The following PIGN variants were observed in gnomAD, a reference collection of about 807,000 sequenced individuals.
PIGN encodes GPI ethanolamine phosphate transferase 1.
In PIGN, 117 loss-of-function variants were observed where a neutral mutation model predicts 125.4. The observed-to-expected ratio is 0.93, with a 90% CI of 0.80 to 1.09. The LOEUF (loss-of-function observed/expected upper bound fraction) is 1.09, where lower values mean the gene tolerates loss of function less well. Among genes scored for constraint, PIGN ranks in the 50% least tolerant of loss-of-function variants. The pLI is 0.00. For missense variants in PIGN, 1,075 were observed against 1,094.9 expected (o/e 0.98, Z 0.26); for synonymous variants, 392 against 377.8 (o/e 1.04, Z -0.44).
At chr18:62,049,667 G>A (rs1219337859) in intron 30 of PIGN, among the ~76,000 whole-genome samples, 1 of 148,968 alleles carries the variant, frequency 6.7e-6, no homozygotes, top group Non-Finnish European at 1.5e-5. Context: ...CACTCTGATG[G>A]TAGTTTCTTT....
rs368463411 is a variant in PIGN, at chr18:62,157,821, A to G, written c.222-13T>C. On this transcript the variant is annotated splice_polypyrimidine_tract_variant and intron_variant, in intron 4 of 30. Transcript: ENST00000640252. ...CATTATGATATTCCTAAAAGATATTAAAGACAAATAGTTAACACAGACTAT... is the reference window on the plus strand; with the variant it reads ...CATTATGATATTCCTAAAAGATATTGAAGACAAATAGTTAACACAGACTAT... The G allele has an allele frequency of 1.9e-5, 31 of 1,601,036 alleles. No individual in the cohort carries two copies. The Admixed American group carries it at 4.9e-4, about 25-fold the overall frequency.
intron 30 of PIGN, chr18:62,059,171 CAAAAAAAAAAAA>C (rs56405290): frequency 1.1e-4 from 5 of 45,882 alleles, no homozygotes; most frequent in Non-Finnish European, 2.4e-4. Context: ...GACCCTGTCT[CAAAAAAAAAAAA>C]AAAAAAAAAA....
At chr18:62,092,543 T>C (rs2034007671) in intron 23 of PIGN, among the ~76,000 whole-genome samples, 1 of 151,820 alleles carries the variant, frequency 6.6e-6, no homozygotes. Context: ...AAATATTAAA[T>C]ATCTATTAAA....
At chr18:62,074,445 G>C (rs1568145585) in intron 29 of PIGN, among the ~76,000 whole-genome samples, 2 of 151,910 alleles carry the variant, frequency 1.3e-5, no homozygotes, top group Non-Finnish European at 2.9e-5. Context: ...TGAGAGAAGG[G>C]TTAAAAATCA....
At chr18:62,058,237 CTTTG>C (rs2031870652) in intron 30 of PIGN, among the ~76,000 whole-genome samples, 1 of 152,148 alleles carries the variant, frequency 6.6e-6, no homozygotes. Context: ...TTAAATGTTA[CTTTG>C]TTTGTTGTGG....
rs2036009672 is a variant in PIGN, at chr18:62,138,307, C to A, written c.1117-9G>T. 6.5e-7 allele frequency: 1 copy of A among 1,532,886 alleles called. No individual in the cohort carries two copies. 95.0% of individuals were successfully genotyped at this position (1,532,886 alleles called of 1,614,324 possible). On this transcript the variant is annotated splice_polypyrimidine_tract_variant and intron_variant, in intron 13 of 30. Coordinates refer to ENST00000640252, the MANE Select transcript of PIGN (RefSeq NM_176787.5). ...TTCTGAGTCATTTTCACCTGGGAAC[C>A]AAGTATGAAAATATTACAAATGAGA...
rs375189790 is a variant in PIGN at position 62,073,786 on chromosome 18, A to G, written c.2619+993T>C. On this transcript the variant is annotated intron_variant, in intron 29 of 30. Transcript: ENST00000640252. ...TGGCATGGGATGTTATATGGTGACAAATTAACCTTACCCAAAAAGACCGCT... is the reference window on the plus strand; with the variant it reads ...TGGCATGGGATGTTATATGGTGACAGATTAACCTTACCCAAAAAGACCGCT... 2.8e-4 allele frequency among the ~76,000 whole-genome samples: 43 copies of G among 152,294 alleles called. No homozygotes were observed. In the East Asian group the frequency reaches 4.4e-3, roughly 16 times the overall value.
At chr18:62,080,790 G>A (rs2033412954) in intron 28 of PIGN, among the ~76,000 whole-genome samples, 1 of 152,062 alleles carries the variant, frequency 6.6e-6, no homozygotes, top group Admixed American at 6.5e-5. Flanking sequence ...GTGACGTGAG[G>A]ACATAAATCT....
At position 62,073,193 on chromosome 18, in the gene PIGN, G is replaced by A. The variant is rs144337058; in HGVS notation, c.2620-468C>T. ...GGGGTGTGTGTGTGTGTGTGTGTGTGTGTGTGTGTGTAAGGGGGGGATGGA... is the reference window on the plus strand; with the variant it reads ...GGGGTGTGTGTGTGTGTGTGTGTGTATGTGTGTGTGTAAGGGGGGGATGGA... On this transcript the variant is annotated intron_variant, in intron 29 of 30. Transcript: ENST00000640252. 3.5e-3 allele frequency among the ~76,000 whole-genome samples: 524 copies of A among 151,448 alleles called. 2 individuals are homozygous for A. The highest frequency in any genetic ancestry group is 0.012 in the African/African-American group (514 of 41,326).
At chr18:62,132,502 T>G (rs1024091442) in intron 14 of PIGN, among the ~76,000 whole-genome samples, 1 of 152,216 alleles carries the variant, frequency 6.6e-6, no homozygotes, top group Non-Finnish European at 1.5e-5. Context: ...GTATTCCACC[T>G]GGTTCTGGTA....
intron 1 of PIGN, among the ~76,000 whole-genome samples, chr18:62,166,224 T>C (rs765448362): frequency 6.6e-6 from 1 of 152,196 alleles, no homozygotes; most frequent in Non-Finnish European, 1.5e-5. Context: ...AGAAACATAT[T>C]GGTTGCAGGC....
chr18:62,130,377 C>T (rs528381210), intron 14 of PIGN, among the ~76,000 whole-genome samples: 1 of 152,144 alleles, frequency 6.6e-6, no homozygotes, highest in Admixed American at 6.5e-5. Flanking sequence ...TGCATAGTTA[C>T]AGATATGGAT....
At chr18:62,177,356 G>A (rs1308090594) in intron 1 of PIGN, among the ~76,000 whole-genome samples, 4 of 151,940 alleles carry the variant, frequency 2.6e-5, no homozygotes. Context: ...ATTTCTATTT[G>A]GTTCATTCTA....
At chr18:62,037,141 T>C (rs778023120), downstream of PIGN, among the ~76,000 whole-genome samples, 2 of 152,206 alleles carry the variant, frequency 1.3e-5, no homozygotes, top group Non-Finnish European at 2.9e-5. Context: ...AAAGGATAAA[T>C]GTATTTTGTT....
chr18:62,065,424 G>C (rs2032449809), intron 30 of PIGN, among the ~76,000 whole-genome samples: 2 of 152,290 alleles, frequency 1.3e-5, no homozygotes, highest in East Asian at 3.9e-4. Context: ...ACTGAATAAG[G>C]GGCAGGATGA....
chr18:62,150,305 CA>C (rs1248381091), intron 7 of PIGN, among the ~76,000 whole-genome samples: 1 of 152,072 alleles, frequency 6.6e-6, no homozygotes, highest in African/African-American at 2.4e-5. Context: ...TTAAAGTTAA[CA>C]GTGTGAAAAA....
chr18:62,114,647 TA>T lies in PIGN; in HGVS notation c.1173-9del. On this transcript the variant is annotated splice_polypyrimidine_tract_variant and intron_variant, in intron 14 of 30. Transcript: ENST00000640252. ...TTGGAATCAGAAAGCAGTCTATATA[TA>T]AAAAAAAGAATAGGTTTAAAGGGTT... The T allele has an allele frequency of 3.4e-5, 46 of 1,370,440 alleles. No individual in the cohort carries two copies. Among genetic ancestry groups the T allele is most frequent in the Admixed American group, 6.5e-5 (3 of 45,924 alleles). 84.9% of individuals were successfully genotyped at this position (1,370,440 alleles called of 1,614,324 possible).
chr18:62,026,493 T>C (rs1220086656), intron 23 of PIGN, among the ~76,000 whole-genome samples: 1 of 152,152 alleles, frequency 6.6e-6, no homozygotes, highest in Non-Finnish European at 1.5e-5. Flanking sequence ...AACCAACTGA[T>C]GACAAATTAT....
intron 22 of PIGN, among the ~76,000 whole-genome samples, chr18:62,098,292 T>C (rs2146267520): frequency 6.6e-6 from 1 of 152,326 alleles, no homozygotes; most frequent in South Asian, 2.1e-4. Flanking sequence ...CTTAGATGAG[T>C]AGCTTCTGAC....
Sources: allele counts gnomAD v4.1 joint callset (sites outside exome capture counted in the v4.1 genomes callset), GRCh38; gene constraint gnomAD v4.1.1; transcripts MANE v1.5; gene names NCBI Gene and HGNC (gene_info 2026-07-23, HGNC 2026-07-21).